Variants in COL4A3 observed in about 807,000 individuals in gnomAD.
The protein encoded by COL4A3 is collagen alpha-3(IV) chain.
In COL4A3, 135 loss-of-function variants were observed where a neutral mutation model predicts 217.4. The observed-to-expected ratio is 0.62, with a 90% CI of 0.54 to 0.72. COL4A3 has a LOEUF of 0.72. Ranked by LOEUF, COL4A3 falls within the 30% of genes least tolerant of loss-of-function variation. COL4A3 has a pLI of 0.00. For missense variants in COL4A3, 1,868 were observed against 2,119.9 expected, an observed-to-expected ratio of 0.88 and a Z score of 2.33; for synonymous variants, 690 against 736.3, an observed-to-expected ratio of 0.94 and a Z score of 1.02.
rs13023148 is a variant in COL4A3, at chr2:227,223,487, A to G, written c.88-14481A>G. ...AGTGGCTCATGCCTATAATCCCAGC[A>G]CTTCGGGAGGCTGAGGTGGGCGGAT... On this transcript the variant is annotated intron_variant, in intron 1 of 51. Coordinates refer to ENST00000396578, the MANE Select transcript of COL4A3 (RefSeq NM_000091.5). Among the ~76,000 whole-genome samples the G allele has an allele frequency of 4.6e-5, 7 of 151,894 alleles. No individual in the cohort carries two copies. In the East Asian group the frequency reaches 1.4e-3, roughly 29 times the overall value.
chr2:227,293,078 T>C, intron 37 of COL4A3, 113 bp from the exon 38 acceptor site: 2 of 1,381,198 alleles, frequency 1.4e-6, no homozygotes, highest in East Asian at 2.4e-5. Flanking sequence ...AGATAGCAGA[T>C]ACTAATATGA....
In COL4A3 at chr2:227,295,038, C is replaced by T. The variant is rs1381421185; in HGVS notation, c.3493C>T (p.Pro1165Ser). The T allele has an allele frequency of 1.2e-6, 2 of 1,613,114 alleles. No homozygotes were observed. Among genetic ancestry groups the T allele is most frequent in the East Asian group, 4.5e-5 (2 of 44,846 alleles). ...GDQGRDGIPG[P>S]AGEKGETGLL... ...CCAAGGACGTGATGGAATTCCTGGT[C>T]CAGCCGGAGAAAAGGGAGAAACGGG... The change falls in exon 40 of 52, where the codon CCA becomes TCA. Residue 1165 changes from proline (P) to serine (S), a missense_variant. Physicochemically the swap from Pro to Ser is moderately conservative, Grantham distance 74 (BLOSUM62 -1). This residue lies in a region of COL4A3 where 1,503 missense variants were observed against 1,786.1 expected (regional missense o/e 0.84). Coordinates refer to ENST00000396578, the MANE Select transcript of COL4A3 (RefSeq NM_000091.5).
intron 1 of COL4A3, among the ~76,000 whole-genome samples, chr2:227,178,296 C>T (rs754384235): frequency 1.1e-4 from 17 of 152,040 alleles, no homozygotes; most frequent in East Asian, 1.9e-4. Context: ...GTGGGAGGAT[C>T]GCTTGAGCCC....
chr2:227,181,044 A>G (rs2065852997), intron 1 of COL4A3, among the ~76,000 whole-genome samples: 1 of 152,224 alleles, frequency 6.6e-6, no homozygotes, highest in East Asian at 1.9e-4. Context: ...CATCCTGTGT[A>G]AATACTGACG....
chr2:227,310,467 C>G (rs774174719), intron 50 of COL4A3, among the ~76,000 whole-genome samples: 1 of 152,192 alleles, frequency 6.6e-6, no homozygotes, highest in Non-Finnish European at 1.5e-5. Flanking sequence ...CAGGCACATG[C>G]CACCATGCCG....
chr2:227,196,125 T>C (rs1224510901), intron 1 of COL4A3, among the ~76,000 whole-genome samples: 3 of 152,034 alleles, frequency 2.0e-5, no homozygotes, highest in African/African-American at 4.8e-5. Flanking sequence ...TAATTTATTA[T>C]TGAAGGGAGA....
In COL4A3 at chr2:227,182,108, G is replaced by T. The variant is rs539124463; in HGVS notation, c.87+17295G>T. On this transcript the variant is annotated intron_variant, in intron 1 of 51. Transcript: ENST00000396578. ...AGCATTACTTCTAGAATAACCTACT[G>T]CTGATTCCCTATTGATTTGTCTCAG... Among the ~76,000 whole-genome samples, 3 of 152,204 alleles carry T rather than the reference G, an allele frequency of 2.0e-5. No individual in the cohort carries two copies. In the East Asian group the frequency reaches 5.8e-4, roughly 29 times the overall value.
Position 227,309,056 on chromosome 2 carries a change from C to G in COL4A3, c.4620C>G (p.Ala1540=). Residue 1540 remains alanine, a synonymous_variant, in exon 49 of 52, where the codon GCC becomes GCG. Coordinates refer to ENST00000396578, the MANE Select transcript of COL4A3 (RefSeq NM_000091.5). ...PMNMAPITGR[A]LEPYISRCTV... is the part of the protein sequence containing the mutation. Reference sequence around the variant, plus strand: ...ACATGGCTCCCATTACTGGCAGAGCCCTTGAGCCTTATATAAGCAGGTAAA... The same window carrying G: ...ACATGGCTCCCATTACTGGCAGAGCGCTTGAGCCTTATATAAGCAGGTAAA... The G allele has an allele frequency of 6.2e-7, 1 of 1,614,160 alleles. No homozygotes were observed. Among genetic ancestry groups the G allele is most frequent in the Non-Finnish European group, 8.5e-7 (1 of 1,180,020 alleles).
At chr2:227,243,795 T>G (rs1427873554) in intron 3 of COL4A3, among the ~76,000 whole-genome samples, 4 of 152,202 alleles carry the variant, frequency 2.6e-5, no homozygotes, top group Non-Finnish European at 4.4e-5. Flanking sequence ...GTTCAGGCAG[T>G]CCTTACTTGG....
chr2:227,287,999 GA>G (rs1228180197), intron 34 of COL4A3, among the ~76,000 whole-genome samples: 2 of 152,166 alleles, frequency 1.3e-5, no homozygotes, highest in African/African-American at 4.8e-5. Flanking sequence ...ATCTGCTTGA[GA>G]AAAAGCACAA....
At chr2:227,278,256 C>CA (rs1210823308) in intron 28 of COL4A3, among the ~76,000 whole-genome samples, 1 of 151,654 alleles carries the variant, frequency 6.6e-6, no homozygotes, top group African/African-American at 2.4e-5. Context: ...GGAAACACTC[C>CA]AAAAAAATCT....
chr2:227,310,546 C>A (rs2073702823), intron 50 of COL4A3, among the ~76,000 whole-genome samples: 1 of 152,200 alleles, frequency 6.6e-6, no homozygotes, highest in African/African-American at 2.4e-5. Context: ...AAACTCCTGA[C>A]CTCAAGTGAT....
intron 36 of COL4A3, among the ~76,000 whole-genome samples, chr2:227,290,526 A>C (rs2072627872): frequency 6.6e-6 from 1 of 152,142 alleles, no homozygotes; most frequent in African/African-American, 2.4e-5. Context: ...AACAAAAAAA[A>C]CAGATTTCCT....
chr2:227,233,069 A>C (rs571520295), intron 1 of COL4A3, among the ~76,000 whole-genome samples: 1 of 152,160 alleles, frequency 6.6e-6, no homozygotes, highest in Non-Finnish European at 1.5e-5. Context: ...GCTGGAGTGC[A>C]GTGGCACAAT....
At chr2:227,233,146 T>C (rs1376971204) in intron 1 of COL4A3, among the ~76,000 whole-genome samples, 1 of 152,144 alleles carries the variant, frequency 6.6e-6, no homozygotes, top group African/African-American at 2.4e-5. Flanking sequence ...CCTGAGTAGC[T>C]GAGGTTACAG....
chr2:227,259,706 C>G, intron 18 of COL4A3, 87 bp from the exon 19 acceptor site: 1 of 1,006,732 alleles, frequency 9.9e-7, no homozygotes. Flanking sequence ...ATCTTTGGGC[C>G]AAAATGAAGA....
At chr2:227,237,694 G>T in intron 1 of COL4A3, 1 of 321,820 alleles carries the variant, frequency 3.1e-6, no homozygotes, top group Non-Finnish European at 6.0e-6. Flanking sequence ...TGGCAAAAAC[G>T]GCCATTACTT....
intron 1 of COL4A3, among the ~76,000 whole-genome samples, chr2:227,223,669 G>C (rs557143509): frequency 9.9e-5 from 15 of 152,176 alleles, no homozygotes; most frequent in African/African-American, 3.1e-4. Flanking sequence ...GGAAGGTGGA[G>C]GTTCCAGTGA....
intron 1 of COL4A3, among the ~76,000 whole-genome samples, chr2:227,194,343 G>A (rs2066387527): frequency 6.6e-6 from 1 of 152,062 alleles, no homozygotes. Context: ...AAAGAGAGTG[G>A]TATTGAGTTG....
Sources: gnomAD v4.1 joint callset for allele counts (sites outside exome capture counted in the v4.1 genomes callset) on GRCh38, gnomAD v4.1.1 for gene constraint, gnomAD v4.1.1 regional missense constraint, MANE v1.5 for transcripts, NCBI Gene and HGNC (gene_info 2026-07-23, HGNC 2026-07-21) for gene names.